Variants in DNAJC15 observed in about 807,000 individuals in gnomAD.
DNAJC15 encodes DnaJ heat shock protein family (Hsp40) member C15.
In DNAJC15, 27 loss-of-function variants were observed where a neutral mutation model predicts 22.4. That is an observed-to-expected ratio of 1.20 (90% CI 0.89 to 1.66). The LOEUF (loss-of-function observed/expected upper bound fraction) is 1.66. Ranked by LOEUF, DNAJC15 falls within the 40% of genes most tolerant of loss-of-function variation. The pLI is 0.00. For synonymous variants in DNAJC15, 79 were observed against 63.2 expected, an observed-to-expected ratio of 1.25 and a Z score of -1.19; for missense variants, 208 against 187.1, an observed-to-expected ratio of 1.11 and a Z score of -0.65.
intron 5 of DNAJC15, among the ~76,000 whole-genome samples, chr13:43,092,375 T>G (rs2040719271): frequency 1.3e-5 from 2 of 152,098 alleles, no homozygotes; most frequent in African/African-American, 4.8e-5. Flanking sequence ...CTCTTGTTGG[T>G]TTGTCTCTTC....
At chr13:43,058,601 A>G (rs147092571) in intron 1 of DNAJC15, among the ~76,000 whole-genome samples, 1 of 151,930 alleles carries the variant, frequency 6.6e-6, no homozygotes, top group Non-Finnish European at 1.5e-5. Context: ...TTCTGTGTTC[A>G]TATCTGCACT....
At chr13:43,039,515 G>A (rs1229288260) in intron 1 of DNAJC15, among the ~76,000 whole-genome samples, 1 of 152,140 alleles carries the variant, frequency 6.6e-6, no homozygotes, top group Non-Finnish European at 1.5e-5. Flanking sequence ...AGGAGTCTCA[G>A]GGGGTGGAGA....
At chr13:43,095,908 C>T (rs1348033904) in intron 5 of DNAJC15, among the ~76,000 whole-genome samples, 2 of 152,174 alleles carry the variant, frequency 1.3e-5, no homozygotes, top group East Asian at 3.9e-4. Context: ...AGCTTATATA[C>T]ACAACTATTT....
intron 3 of DNAJC15, among the ~76,000 whole-genome samples, chr13:43,074,384 C>T (rs2040622956): frequency 6.6e-6 from 1 of 152,040 alleles, no homozygotes; most frequent in Non-Finnish European, 1.5e-5. Flanking sequence ...TGGGATAGTA[C>T]AAAATAATCA....
At chr13:43,047,926 CTATT>C (rs2153440135) in intron 1 of DNAJC15, among the ~76,000 whole-genome samples, 1 of 152,160 alleles carries the variant, frequency 6.6e-6, no homozygotes, top group East Asian at 1.9e-4. Flanking sequence ...TGTAATGATG[CTATT>C]TAGTGAGAAC....
intron 1 of DNAJC15, among the ~76,000 whole-genome samples, chr13:43,034,157 CTG>C (rs2040416736): frequency 6.6e-6 from 1 of 151,796 alleles, no homozygotes; most frequent in Admixed American, 6.6e-5. Context: ...GTTTTCTTAA[CTG>C]TAAACTTTAT....
intron 1 of DNAJC15, among the ~76,000 whole-genome samples, chr13:43,064,205 C>T (rs1357293620): frequency 6.6e-6 from 1 of 152,200 alleles, no homozygotes; most frequent in Non-Finnish European, 1.5e-5. Context: ...CTCTTGTCCT[C>T]CGGCTCTAGA....
chr13:43,026,332 G>A (rs1259791932), intron 1 of DNAJC15, among the ~76,000 whole-genome samples: 1 of 152,194 alleles, frequency 6.6e-6, no homozygotes, highest in African/African-American at 2.4e-5. Flanking sequence ...GATGCAAACA[G>A]TTTTTTGTTA....
At chr13:43,043,056 A>T (rs1252139800) in intron 1 of DNAJC15, among the ~76,000 whole-genome samples, 1 of 152,084 alleles carries the variant, frequency 6.6e-6, no homozygotes, top group Non-Finnish European at 1.5e-5. Context: ...CAGGAGCAAG[A>T]TTTTCTGACC....
rs540057019 is a variant in DNAJC15, at chr13:43,056,327, A to G, written c.109-9359A>G. 7.9e-5 allele frequency among the ~76,000 whole-genome samples: 12 copies of G among 152,050 alleles called. No homozygotes were observed. In the South Asian group the frequency reaches 1.7e-3, roughly 21 times the overall value. ...CTAATTTTGTATTTTTAGTAGAGACATGGTTTCACCATGTTGGTCAGGCTG... is the reference window on the plus strand; with the variant it reads ...CTAATTTTGTATTTTTAGTAGAGACGTGGTTTCACCATGTTGGTCAGGCTG... On this transcript the variant is annotated intron_variant, in intron 1 of 5. Coordinates refer to ENST00000379221, the MANE Select transcript of DNAJC15 (RefSeq NM_013238.3).
intron 2 of DNAJC15, among the ~76,000 whole-genome samples, chr13:43,068,122 A>C (rs2040592143): frequency 6.6e-6 from 1 of 152,132 alleles, no homozygotes; most frequent in African/African-American, 2.4e-5. Context: ...TAGAAGTTGA[A>C]TTAAAGCCTG....
chr13:43,074,353 A>T (rs750951801), intron 3 of DNAJC15, among the ~76,000 whole-genome samples: 3 of 152,224 alleles, frequency 2.0e-5, no homozygotes, highest in Non-Finnish European at 4.4e-5. Context: ...TCTGTCATTT[A>T]TATATACAAT....
chr13:43,079,685 G>A (rs1176712625), intron 4 of DNAJC15, among the ~76,000 whole-genome samples: 1 of 152,126 alleles, frequency 6.6e-6, no homozygotes. Context: ...AAAATACCCT[G>A]TTGATTATCT....
chr13:43,078,719 G>A, intron 4 of DNAJC15, 31 bp downstream of exon 4: 1 of 1,594,034 alleles, frequency 6.3e-7, no homozygotes, highest in South Asian at 1.1e-5. Flanking sequence ...TTGTTTTGTT[G>A]TGTGGCCAAG....
At chr13:43,076,003 T>C (rs1455027204) in intron 3 of DNAJC15, among the ~76,000 whole-genome samples, 1 of 140,024 alleles carries the variant, frequency 7.1e-6, no homozygotes, top group Non-Finnish European at 1.7e-5. Context: ...TATTTCTCTC[T>C]CTATCTCTCT....
intron 4 of DNAJC15, among the ~76,000 whole-genome samples, chr13:43,083,261 GGGT>G (rs1194306857): frequency 2.0e-5 from 3 of 151,860 alleles, no homozygotes; most frequent in Admixed American, 6.6e-5. Context: ...TCCGCCTCCT[GGGT>G]TCATGCCATT....
rs1230150076 is a variant in DNAJC15 at position 43,094,764 on chromosome 13, T to C, written c.382+8926T>C. 3.9e-5 allele frequency among the ~76,000 whole-genome samples: 6 copies of C among 152,330 alleles called. No homozygotes were observed. In the East Asian group the frequency reaches 1.2e-3, roughly 29 times the overall value. On this transcript the variant is annotated intron_variant, in intron 5 of 5. Transcript: ENST00000379221. Reference sequence around the variant, plus strand: ...ATCTTTGAGTCTACAATTTTTGTCTTAGCAGCTTGTGAGACTGCAAGAAGC... The same window carrying C: ...ATCTTTGAGTCTACAATTTTTGTCTCAGCAGCTTGTGAGACTGCAAGAAGC...
Position 43,102,599 on chromosome 13 carries a change from A to G in DNAJC15, c.383-4579A>G, listed in dbSNP as rs560976707. On this transcript the variant is annotated intron_variant, in intron 5 of 5. Coordinates refer to ENST00000379221, the MANE Select transcript of DNAJC15 (RefSeq NM_013238.3). ...ACTGCAGCCTGGGCAACAAGAGAGA[A>G]ACTCCGTCTCAAAAAATAAATTAAT... 2.6e-3 allele frequency among the ~76,000 whole-genome samples: 397 copies of G among 152,214 alleles called. 5 individuals carry two copies. In the South Asian group the frequency reaches 0.034, roughly 13 times the overall value.
intron 5 of DNAJC15, among the ~76,000 whole-genome samples, chr13:43,090,114 T>C (rs968086383): frequency 1.3e-5 from 2 of 152,250 alleles, no homozygotes; most frequent in Admixed American, 6.5e-5. Flanking sequence ...GAATGATTCA[T>C]GAATTGGGCA....
Sources: gnomAD v4.1 joint callset for allele counts (sites outside exome capture counted in the v4.1 genomes callset) on GRCh38, gnomAD v4.1.1 for gene constraint, MANE v1.5 for transcripts, NCBI Gene and HGNC (gene_info 2026-07-23, HGNC 2026-07-21) for gene names.